The following ADK variants were observed in gnomAD, a reference collection of about 807,000 sequenced individuals.
ADK encodes adenosine kinase, also known as N6,N6-dimethyladenosine kinase.
Under a neutral mutation model 44.7 loss-of-function variants are expected in ADK, and 24 were observed. The ratio of observed to expected loss-of-function variants is 0.54; its 90% CI spans 0.39 to 0.76. The LOEUF (loss-of-function observed/expected upper bound fraction) is 0.76, where lower values mean the gene tolerates loss of function less well. ADK is among the 30% of genes least tolerant of loss of function. The pLI, the probability that ADK is intolerant of heterozygous loss-of-function variation, is 0.00. For synonymous variants in ADK, 128 were observed against 142.6 expected (o/e 0.90, Z 0.73); for missense variants, 321 against 425.1 (o/e 0.76, Z 2.15).
At chr10:74,376,171 C>A (rs889256588) in intron 4 of ADK, among the ~76,000 whole-genome samples, 7 of 152,020 alleles carry the variant, frequency 4.6e-5, no homozygotes, top group Admixed American at 1.3e-4. Context: ...CATTTTAATA[C>A]CTGGTAGTAA....
intron 1 of ADK, among the ~76,000 whole-genome samples, chr10:74,164,723 C>T (rs547206707): frequency 9.2e-5 from 14 of 152,220 alleles, no homozygotes; most frequent in African/African-American, 3.4e-4. Flanking sequence ...CTCTGGAGGA[C>T]AAGAATCTCT....
chr10:74,527,799 T>G lies in ADK; in HGVS notation c.726+2373T>G, dbSNP rs1399256751. 6 of 1,520,628 alleles carry G rather than the reference T, an allele frequency of 3.9e-6. No homozygotes were observed. The Admixed American group carries it at 1.0e-4, about 25-fold the overall frequency. The allele number at this position is 1,520,628 out of a possible 1,614,324, so 94.2% of individuals were successfully genotyped here. A position where few individuals can be genotyped will look rare whatever the true frequency, so the allele number is the denominator to read the frequency against. On this transcript the variant is annotated intron_variant, in intron 7 of 10. Transcript: ENST00000539909. The stretch of plus-strand genomic sequence containing the variant: ...AGAGAAACCTGACATGTGGGCATAC[T>G]TCAGCGATCCTTAATAGAGTGGCCC...
chr10:74,495,198 A>C (rs1847638389), intron 6 of ADK, among the ~76,000 whole-genome samples: 1 of 152,066 alleles, frequency 6.6e-6, no homozygotes, highest in African/African-American at 2.4e-5. Flanking sequence ...TATTCCCTAT[A>C]AATTTAGACA....
At chr10:74,484,646 T>G (rs1207872134) in intron 6 of ADK, among the ~76,000 whole-genome samples, 1 of 152,142 alleles carries the variant, frequency 6.6e-6, no homozygotes, top group East Asian at 1.9e-4. Context: ...AAACTACTCC[T>G]GAAGAGGGAC....
intron 9 of ADK, among the ~76,000 whole-genome samples, chr10:74,601,708 T>TA (rs113121404): frequency 5.7e-4 from 86 of 152,156 alleles, no homozygotes; most frequent in African/African-American, 1.8e-3. Context: ...GTTTTTTTTT[T>TA]TAAATTTCAA....
At chr10:74,474,514 CCCTTCCCTTTCTTT>C (rs924009529) in intron 6 of ADK, among the ~76,000 whole-genome samples, 19 of 150,570 alleles carry the variant, frequency 1.3e-4, no homozygotes, top group Admixed American at 1.2e-3. Context: ...TCCTTCCCTT[CCCTTCCCTTTCTTT>C]CCTTTCTTTC....
At chr10:74,319,090 A>C (rs753025950) in intron 4 of ADK, among the ~76,000 whole-genome samples, 5 of 152,182 alleles carry the variant, frequency 3.3e-5, no homozygotes, top group Non-Finnish European at 5.9e-5. Context: ...ATATTTTATT[A>C]TTTCTTAGGC....
In ADK at chr10:74,606,923, G is replaced by A. The variant is rs866328994; in HGVS notation, c.877+6430G>A. ...ATGAATCTGGGTGCTCCTGTATTGG[G>A]TGCATATATATTTAGGATAGTTAGC... On this transcript the variant is annotated intron_variant, in intron 9 of 10. Coordinates refer to ENST00000539909, the MANE Select transcript of ADK (RefSeq NM_006721.4). Among the ~76,000 whole-genome samples the A allele has an allele frequency of 5.3e-4, 80 of 152,248 alleles. 1 individual carries two copies. The Middle Eastern group carries it at 0.01, about 19-fold the overall frequency.
chr10:74,285,947 T>C (rs1178662513), intron 3 of ADK, among the ~76,000 whole-genome samples: 1 of 152,210 alleles, frequency 6.6e-6, no homozygotes, highest in East Asian at 1.9e-4. Flanking sequence ...CAGATTGACA[T>C]ATACCCTTAA....
At chr10:74,641,044 A>G (rs1018490130) in intron 9 of ADK, among the ~76,000 whole-genome samples, 7 of 152,344 alleles carry the variant, frequency 4.6e-5, no homozygotes, top group Non-Finnish European at 8.8e-5. Flanking sequence ...TTGACTTCCC[A>G]ATTAAGGAAG....
intron 7 of ADK, among the ~76,000 whole-genome samples, chr10:74,530,106 A>G (rs1849221964): frequency 6.6e-6 from 1 of 152,178 alleles, no homozygotes; most frequent in Admixed American, 6.5e-5. Context: ...ATGAAATTTA[A>G]TAGGGATAAT....
chr10:74,447,665 CTT>C (rs1198521355), intron 6 of ADK, among the ~76,000 whole-genome samples: 1 of 152,170 alleles, frequency 6.6e-6, no homozygotes, highest in Non-Finnish European at 1.5e-5. Context: ...ATCTACTACT[CTT>C]TGTCAATTTC....
At chr10:74,554,783 TA>T (rs530734494) in intron 7 of ADK, among the ~76,000 whole-genome samples, 1,492 of 137,702 alleles carry the variant, frequency 0.011, 5 homozygotes, top group Middle Eastern at 0.023. Context: ...TGTCTCTATT[TA>T]AAAAAAAAAA....
rs1432413115 is a variant in ADK, at chr10:74,348,768, A to C, written c.273+34023A>C. ...AGCACGAGCACTTCATGAAGCATAC[A>C]CAAGTATCAATAGCCAAATCGATCA... is the stretch of plus-strand genomic sequence containing the variant. On this transcript the variant is annotated intron_variant, in intron 4 of 10. Transcript: ENST00000539909. 2.0e-5 allele frequency among the ~76,000 whole-genome samples: 3 copies of C among 151,862 alleles called. No individual in the cohort carries two copies. The East Asian group carries it at 5.8e-4, about 30-fold the overall frequency.
chr10:74,689,011 G>C (rs868650681), intron 10 of ADK, among the ~76,000 whole-genome samples: 9 of 152,234 alleles, frequency 5.9e-5, no homozygotes, highest in African/African-American at 2.2e-4. Context: ...CCAGCACTTT[G>C]GGAGGCCGAG....
At chr10:74,413,807 T>G (rs567826670) in intron 6 of ADK, among the ~76,000 whole-genome samples, 46 of 152,348 alleles carry the variant, frequency 3.0e-4, no homozygotes, top group African/African-American at 1.0e-3. Context: ...CTAAACTCAA[T>G]CATTTCTAGC....
rs10670267 is a variant in ADK at position 74,671,038 on chromosome 10, TA to T, written c.964+787del. Among the ~76,000 whole-genome samples the T allele has an allele frequency of 1.4e-3, 143 of 99,108 alleles. 2 individuals carry two copies. Among genetic ancestry groups the T allele is most frequent in the East Asian group, 1.6e-3 (5 of 3,214 alleles). 65.0% of individuals were successfully genotyped at this position (99,108 alleles called of 152,430 possible). ...AACATCAAGCCAGACCAGGTTAATT[TA>T]AAAAAAAAAAAAAAAAAGCAAGCAA... On this transcript the variant is annotated intron_variant, in intron 10 of 10. Coordinates refer to ENST00000539909, the MANE Select transcript of ADK (RefSeq NM_006721.4).
At chr10:74,678,726 T>C (rs555219492) in intron 10 of ADK, among the ~76,000 whole-genome samples, 1 of 152,312 alleles carries the variant, frequency 6.6e-6, no homozygotes, top group East Asian at 1.9e-4. Flanking sequence ...GTTGCAGAGG[T>C]CCACAGGAAA....
At chr10:74,252,631 T>A (rs2132341586) in intron 3 of ADK, among the ~76,000 whole-genome samples, 1 of 152,234 alleles carries the variant, frequency 6.6e-6, no homozygotes, top group Non-Finnish European at 1.5e-5. Flanking sequence ...AGGAAATGAG[T>A]CTGATTATTC....
Sources: allele counts gnomAD v4.1 joint callset (sites outside exome capture counted in the v4.1 genomes callset), GRCh38; gene constraint gnomAD v4.1.1; transcripts MANE v1.5; gene names NCBI Gene and HGNC (gene_info 2026-07-23, HGNC 2026-07-21).